The following NTAQ1 variants were observed in gnomAD, a reference collection of about 807,000 sequenced individuals.
The protein encoded by NTAQ1 is N-terminal glutamine amidase 1.
Under a neutral mutation model 28.2 loss-of-function variants are expected in NTAQ1, and 21 were observed. That is an observed-to-expected ratio of 0.74 (90% CI 0.53 to 1.07). The LOEUF is 1.07. Ranked by LOEUF, NTAQ1 falls within the 50% of genes least tolerant of loss-of-function variation. The probability of loss-of-function intolerance (pLI) is 0.00; values close to 1 mark genes in which losing one functional copy is unlikely to be tolerated. For missense variants in NTAQ1, 264 were observed against 256.6 expected, an observed-to-expected ratio of 1.03 and a Z score of -0.20; for synonymous variants, 105 against 90.0, an observed-to-expected ratio of 1.17 and a Z score of -0.94.
downstream of NTAQ1, among the ~76,000 whole-genome samples, chr8:123,472,563 T>A (rs1476199773): frequency 6.6e-6 from 1 of 152,178 alleles, no homozygotes; most frequent in Non-Finnish European, 1.5e-5. Context: ...TGCAGCTGGC[T>A]CCCCACAATA....
chr8:123,442,681 C>A (rs183454272), downstream of NTAQ1, among the ~76,000 whole-genome samples: 2 of 151,192 alleles, frequency 1.3e-5, no homozygotes, highest in Non-Finnish European at 3.0e-5. Context: ...TTTATTTATT[C>A]ATTTAGAGAC....
downstream of NTAQ1, among the ~76,000 whole-genome samples, chr8:123,472,665 C>T (rs1816052563): frequency 6.6e-6 from 1 of 152,220 alleles, no homozygotes. Context: ...CCACCATAAT[C>T]CAGCATGACT....
At chr8:123,475,023 C>T (rs983610846), downstream of NTAQ1, among the ~76,000 whole-genome samples, 2 of 151,900 alleles carry the variant, frequency 1.3e-5, no homozygotes, top group African/African-American at 4.8e-5. Flanking sequence ...TTTCTGTTTC[C>T]TTCATTTCTT....
the NTAQ1 span, among the ~76,000 whole-genome samples, chr8:123,475,406 G>C: frequency 3.5e-3 from 536 of 152,254 alleles, 7 homozygotes; most frequent in African/African-American, 0.012. Context: ...TAGTCTCATT[G>C]CTACTGGGGT....
intron 5 of NTAQ1, chr8:123,438,098 T>G: frequency 1.4e-6 from 1 of 693,014 alleles, no homozygotes; most frequent in Non-Finnish European, 2.6e-6. Context: ...GCTAGCAGGT[T>G]TTATTGTACC....
chr8:123,418,873 G>T (rs527638094), intron 1 of NTAQ1, among the ~76,000 whole-genome samples: 96 of 152,250 alleles, frequency 6.3e-4, no homozygotes, highest in African/African-American at 2.3e-3. Flanking sequence ...TGTATTGCAG[G>T]ACGTGTAGCA....
chr8:123,432,154 A>T (rs1160757269), intron 3 of NTAQ1, among the ~76,000 whole-genome samples: 1 of 152,200 alleles, frequency 6.6e-6, no homozygotes. Context: ...AGTGAGTAAA[A>T]TTCGAGAACA....
intron 6 of NTAQ1, chr8:123,454,872 A>G (rs1013296570): frequency 2.6e-5 from 4 of 152,260 alleles, no homozygotes; most frequent in Admixed American, 2.6e-4. Context: ...TTTGCTGTGA[A>G]TGGATTTGTG....
downstream of NTAQ1, among the ~76,000 whole-genome samples, chr8:123,451,871 T>C (rs1041716418): frequency 6.6e-6 from 1 of 152,242 alleles, no homozygotes; most frequent in Non-Finnish European, 1.5e-5. Flanking sequence ...TCTTGTGCTT[T>C]GAATTATTCC....
In NTAQ1 at chr8:123,428,194, A is replaced by G. The variant is rs556973908; in HGVS notation, c.183+171A>G. ...GCTTTTGAATGAGATTTTTTTCCTT[A>G]CAAGGCACGATTGAGTTAGAAGAGT... is the stretch of plus-strand genomic sequence containing the variant. On this transcript the variant is annotated intron_variant, in intron 2 of 5. Coordinates refer to ENST00000287387, the MANE Select transcript of NTAQ1 (RefSeq NM_018024.3). 3.3e-5 allele frequency among the ~76,000 whole-genome samples: 5 copies of G among 152,148 alleles called. No individual in the cohort carries two copies. The South Asian group carries it at 1.0e-3, about 32-fold the overall frequency.
downstream of NTAQ1, among the ~76,000 whole-genome samples, chr8:123,443,059 G>A (rs11777628): frequency 6.7e-6 from 1 of 148,564 alleles, no homozygotes; most frequent in East Asian, 2.0e-4. Flanking sequence ...TCACTCTGTC[G>A]CCCAGGCTGG....
downstream of NTAQ1, among the ~76,000 whole-genome samples, chr8:123,446,103 C>T (rs549140589): frequency 2.0e-5 from 3 of 152,264 alleles, no homozygotes; most frequent in Non-Finnish European, 2.9e-5. Context: ...AAGCGATTCT[C>T]GTGCCTCAGC....
chr8:123,466,388 G>A (rs776372649), intron 6 of NTAQ1, among the ~76,000 whole-genome samples: 7 of 152,220 alleles, frequency 4.6e-5, no homozygotes, highest in South Asian at 4.1e-4. Context: ...GGCGCATGGT[G>A]CAAGACAGAA....
intron 3 of NTAQ1, among the ~76,000 whole-genome samples, chr8:123,433,882 C>G (rs930678043): frequency 1.2e-4 from 18 of 151,802 alleles, no homozygotes; most frequent in African/African-American, 4.4e-4. Flanking sequence ...CAGCCCAACA[C>G]AAATTTGTAA....
At chr8:123,427,835 CT>C in intron 1 of NTAQ1, 88 bp from the exon 2 acceptor site, 1 of 1,135,456 alleles carries the variant, frequency 8.8e-7, no homozygotes. Context: ...TCTTTTCCAA[CT>C]TTTTGATGTC....
downstream of NTAQ1, among the ~76,000 whole-genome samples, chr8:123,443,370 G>A (rs992821374): frequency 1.3e-5 from 2 of 152,192 alleles, no homozygotes; most frequent in East Asian, 1.9e-4. Flanking sequence ...CAGACTGCCC[G>A]GAGCTGCTCC....
intron 2 of NTAQ1, among the ~76,000 whole-genome samples, chr8:123,429,160 A>G (rs10087527): frequency 0.94 from 143,639 of 152,258 alleles, 67,782 homozygotes; most frequent in East Asian, 0.99. Flanking sequence ...TTATAGATGA[A>G]GAGATTAAGA....
intron 1 of NTAQ1, among the ~76,000 whole-genome samples, chr8:123,421,522 T>A (rs1352380971): frequency 6.6e-6 from 1 of 150,866 alleles, no homozygotes; most frequent in Admixed American, 6.6e-5. Flanking sequence ...CTTTTTTTTT[T>A]TTTTGAGATG....
chr8:123,474,979 A>G (rs1184637128), downstream of NTAQ1, among the ~76,000 whole-genome samples: 1 of 152,234 alleles, frequency 6.6e-6, no homozygotes, highest in African/African-American at 2.4e-5. Flanking sequence ...CTTGCCTGCC[A>G]CAATTATTAC....
Sources: allele counts gnomAD v4.1 joint callset (sites outside exome capture counted in the v4.1 genomes callset), GRCh38; gene constraint gnomAD v4.1.1; transcripts MANE v1.5; gene names NCBI Gene and HGNC (gene_info 2026-07-23, HGNC 2026-07-21).